Variants in TRPM3 observed in about 807,000 individuals in gnomAD.
TRPM3 encodes the protein long transient receptor potential channel 3.
Under a neutral mutation model 181.2 loss-of-function variants are expected in TRPM3, and 77 were observed. That is an observed-to-expected ratio of 0.42 (90% confidence interval 0.35 to 0.51). TRPM3 has a LOEUF of 0.51. Ranked by LOEUF, TRPM3 falls within the 20% of genes least tolerant of loss-of-function variation. The pLI, the probability that TRPM3 is intolerant of heterozygous loss-of-function variation, is 0.01. For missense variants in TRPM3, 1,759 were observed against 2,196.7 expected (o/e 0.80, Z 3.98); for synonymous variants, 745 against 796.4 (o/e 0.94, Z 1.09).
At chr9:71,296,821 T>C (rs1213461806) in intron 1 of TRPM3, among the ~76,000 whole-genome samples, 1 of 152,056 alleles carries the variant, frequency 6.6e-6, no homozygotes, top group Non-Finnish European at 1.5e-5. Context: ...TTTAGATACA[T>C]TTTGAAAGTA....
chr9:70,634,955 C>T (rs975091047), intron 12 of TRPM3, among the ~76,000 whole-genome samples: 5 of 152,168 alleles, frequency 3.3e-5, no homozygotes, highest in East Asian at 1.9e-4. Flanking sequence ...CCAAGAGTTC[C>T]GCTACCCAAA....
At chr9:70,544,539 C>T (rs1004807605) in intron 25 of TRPM3, among the ~76,000 whole-genome samples, 17 of 151,982 alleles carry the variant, frequency 1.1e-4, no homozygotes, top group African/African-American at 3.6e-4. Context: ...GCTGATGTCA[C>T]GAAAGACATT....
chr9:70,551,109 AAAAAT>A (rs1380299809), intron 24 of TRPM3, among the ~76,000 whole-genome samples: 1 of 152,224 alleles, frequency 6.6e-6, no homozygotes, highest in African/African-American at 2.4e-5. Context: ...CCTTTTTAAC[AAAAAT>A]AAAATACTAT....
chr9:71,133,388 A>G (rs2026109), intron 1 of TRPM3, among the ~76,000 whole-genome samples: 141,404 of 149,318 alleles, frequency 0.95, 67,091 homozygotes, highest in South Asian at 0.98. Flanking sequence ...TCTGCCTCCC[A>G]GATTCAATCA....
At chr9:71,312,875 G>A (rs550310267) in intron 1 of TRPM3, among the ~76,000 whole-genome samples, 19 of 152,222 alleles carry the variant, frequency 1.2e-4, no homozygotes, top group Admixed American at 7.9e-4. Context: ...AAACATCAGT[G>A]GTGGTCAGGG....
intron 12 of TRPM3, among the ~76,000 whole-genome samples, chr9:70,634,880 C>T (rs1308919633): frequency 6.6e-6 from 1 of 152,060 alleles, no homozygotes; most frequent in African/African-American, 2.4e-5. Flanking sequence ...CAGGCAGCTC[C>T]CCAAACAGTG....
intron 6 of TRPM3, among the ~76,000 whole-genome samples, chr9:70,795,180 C>G (rs2086688988): frequency 6.6e-6 from 1 of 152,120 alleles, no homozygotes; most frequent in African/African-American, 2.4e-5. Context: ...GATTTTGGAA[C>G]CAATCCCCCA....
intron 1 of TRPM3, among the ~76,000 whole-genome samples, chr9:71,092,867 C>G (rs2066450244): frequency 6.6e-6 from 1 of 152,006 alleles, no homozygotes; most frequent in Non-Finnish European, 1.5e-5. Flanking sequence ...CTACAGTAAC[C>G]AAACAGCATG....
intron 5 of TRPM3, among the ~76,000 whole-genome samples, chr9:70,832,618 A>T (rs544571587): frequency 2.0e-5 from 3 of 152,322 alleles, no homozygotes; most frequent in South Asian, 4.1e-4. Flanking sequence ...GGACATCATC[A>T]TTCCCAGGAA....
At position 70,608,168 on chromosome 9, in the gene TRPM3, A is replaced by G. The variant is rs571131507; in HGVS notation, c.2667+2441T>C. Reference sequence around the variant, plus strand: ...GCCACTTCCCTTTTTCTGTCCATAAATCTTCCACCACGTGGCCCTGCCAGA... The same window carrying G: ...GCCACTTCCCTTTTTCTGTCCATAAGTCTTCCACCACGTGGCCCTGCCAGA... On this transcript the variant is annotated intron_variant, in intron 19 of 25. Coordinates refer to ENST00000677713, the MANE Select transcript of TRPM3 (RefSeq NM_001366145.2). Among the ~76,000 whole-genome samples, 6 of 152,238 alleles carry G rather than the reference A, an allele frequency of 3.9e-5. No homozygotes were observed. In the South Asian group the frequency reaches 1.2e-3, roughly 32 times the overall value.
intron 1 of TRPM3, among the ~76,000 whole-genome samples, chr9:71,091,929 G>A (rs187331394): frequency 1.2e-3 from 185 of 151,956 alleles, no homozygotes; most frequent in African/African-American, 4.2e-3. Context: ...TAATAGTCTT[G>A]GTTTCTAGCT....
At chr9:70,547,380 C>T (rs186635931) in intron 25 of TRPM3, among the ~76,000 whole-genome samples, 70 of 152,108 alleles carry the variant, frequency 4.6e-4, no homozygotes, top group Non-Finnish European at 5.0e-4. Context: ...CCACTCCACT[C>T]AGAAAGGACA....
At chr9:71,136,710 A>C (rs530559020) in intron 1 of TRPM3, among the ~76,000 whole-genome samples, 1 of 152,280 alleles carries the variant, frequency 6.6e-6, no homozygotes, top group South Asian at 2.1e-4. Flanking sequence ...CAGTAGCCTC[A>C]GGGAGACGTG....
chr9:71,063,690 G>T (rs2061580584), intron 1 of TRPM3, among the ~76,000 whole-genome samples: 1 of 152,070 alleles, frequency 6.6e-6, no homozygotes, highest in Non-Finnish European at 1.5e-5. Flanking sequence ...GCTGAGGGGA[G>T]GGTGGCTGTA....
intron 1 of TRPM3, among the ~76,000 whole-genome samples, chr9:70,970,223 G>A (rs1260956646): frequency 6.6e-6 from 1 of 152,060 alleles, no homozygotes; most frequent in African/African-American, 2.4e-5. Flanking sequence ...TCCCACCAGA[G>A]TGACTCTAAC....
At chr9:71,407,094 A>G (rs577412611) in intron 1 of TRPM3, among the ~76,000 whole-genome samples, 231 of 152,324 alleles carry the variant, frequency 1.5e-3, no homozygotes, top group African/African-American at 5.4e-3. Context: ...GGAAAAATCA[A>G]TAACTTGACT....
At chr9:70,985,823 A>C (rs115250722) in intron 1 of TRPM3, among the ~76,000 whole-genome samples, 2,286 of 152,338 alleles carry the variant, frequency 0.015, 41 homozygotes, top group African/African-American at 0.052. Context: ...TAACAAAGCC[A>C]TGAGTTGGAG....
chr9:70,949,384 G>T (rs1382504935), intron 1 of TRPM3, among the ~76,000 whole-genome samples: 1 of 152,026 alleles, frequency 6.6e-6, no homozygotes, highest in African/African-American at 2.4e-5. Flanking sequence ...AGCAGATGTA[G>T]CTGTGTTTGG....
intron 6 of TRPM3, among the ~76,000 whole-genome samples, chr9:70,817,126 T>C (rs1040596131): frequency 4.5e-4 from 69 of 152,352 alleles, no homozygotes; most frequent in Middle Eastern, 3.4e-3. Context: ...CTTTCCTTCA[T>C]ACTGATAGGA....
Sources: gnomAD v4.1 joint callset for allele counts (sites outside exome capture counted in the v4.1 genomes callset) on GRCh38, gnomAD v4.1.1 for gene constraint, MANE v1.5 for transcripts, NCBI Gene and HGNC (gene_info 2026-07-23, HGNC 2026-07-21) for gene names.